The following VPS35L variants were observed in gnomAD, a reference collection of about 807,000 sequenced individuals.
The protein encoded by VPS35L is VPS35 endosomal protein sorting factor like.
In VPS35L, 83 loss-of-function variants were observed where a neutral mutation model predicts 133.0. The observed-to-expected ratio is 0.62, with a 90% CI of 0.52 to 0.75. The LOEUF (loss-of-function observed/expected upper bound fraction) is 0.75. VPS35L is among the 30% of genes least tolerant of loss of function. The pLI is 0.00. For synonymous variants in VPS35L, 423 were observed against 449.9 expected, an observed-to-expected ratio of 0.94 and a Z score of 0.76; for missense variants, 1,083 against 1,206.8, an observed-to-expected ratio of 0.90 and a Z score of 1.52.
In VPS35L at chr16:19,611,979, GC is replaced by G. The variant is rs371847139; in HGVS notation, c.1023+1567del. On this transcript the variant is annotated intron_variant, in intron 12 of 30. Coordinates refer to ENST00000417362, the MANE Select transcript of VPS35L (RefSeq NM_020314.7). Reference sequence around the variant, plus strand: ...TTTTGAGATGGAGTCTCACTCTGTCGCCCGGCTGGAGTGCAGTGGTGTGATC... The same window carrying G: ...TTTTGAGATGGAGTCTCACTCTGTCGCCGGCTGGAGTGCAGTGGTGTGATC... Among the ~76,000 whole-genome samples, 27 of 149,320 alleles carry G rather than the reference GC, an allele frequency of 1.8e-4. No individual in the cohort carries two copies. In the East Asian group the frequency reaches 3.9e-3, roughly 22 times the overall value.
chr16:19,667,628 G>A (rs138254299), intron 26 of VPS35L, among the ~76,000 whole-genome samples: 5 of 151,988 alleles, frequency 3.3e-5, no homozygotes, highest in Non-Finnish European at 7.4e-5. Context: ...CAGTTACTGG[G>A]GAGGCTGAGG....
Position 19,616,538 on chromosome 16 carries a change from TAAA to T in VPS35L, c.1102-138_1102-136del, listed in dbSNP as rs60979764. The T allele has an allele frequency of 5.2e-5, 46 of 884,688 alleles. No individual in the cohort carries two copies. In the African/African-American group the frequency reaches 6.4e-4, roughly 12 times the overall value. 54.8% of individuals were successfully genotyped at this position (884,688 alleles called of 1,614,324 possible). A position where few individuals can be genotyped will look rare whatever the true frequency, so the allele number is the denominator to read the frequency against. Reference sequence around the variant, plus strand: ...AAACTTTCTGTGTTTTTTTTTGGTTTAAAAAAAAAAAACAACCGAGAAACCAGG... The same window carrying T: ...AAACTTTCTGTGTTTTTTTTTGGTTTAAAAAAAAACAACCGAGAAACCAGG... On this transcript the variant is annotated intron_variant, in intron 13 of 30. Coordinates refer to ENST00000417362, the MANE Select transcript of VPS35L (RefSeq NM_020314.7).
intron 26 of VPS35L, among the ~76,000 whole-genome samples, chr16:19,666,232 A>G (rs1036656478): frequency 2.0e-5 from 3 of 151,988 alleles, no homozygotes; most frequent in African/African-American, 7.2e-5. Context: ...CTTGTGGGGT[A>G]TTACTCAAAG....
chr16:19,559,651 A>G (rs1044862823), intron 1 of VPS35L, among the ~76,000 whole-genome samples: 10 of 152,150 alleles, frequency 6.6e-5, no homozygotes, highest in African/African-American at 2.2e-4. Flanking sequence ...TCAAAATATG[A>G]TGGTTTACTG....
intron 28 of VPS35L, 21 bp from the exon 29 acceptor site, chr16:19,691,332 C>G: frequency 6.3e-7 from 1 of 1,595,246 alleles, no homozygotes; most frequent in African/African-American, 1.3e-5. Context: ...GTCTGTCTCA[C>G]TGTTCTTGTT....
intron 18 of VPS35L, 35 bp downstream of exon 18, chr16:19,629,855 T>C: frequency 6.3e-7 from 1 of 1,594,610 alleles, no homozygotes; most frequent in South Asian, 1.1e-5. Context: ...TTGAAAGAAT[T>C]AGATTTTTTC....
chr16:19,610,001 C>T (rs8052979), intron 11 of VPS35L, among the ~76,000 whole-genome samples: 4 of 151,688 alleles, frequency 2.6e-5, no homozygotes, highest in Non-Finnish European at 5.9e-5. Context: ...GGTGCCCAGT[C>T]GATGGAAAAT....
chr16:19,578,359 G>A lies in VPS35L; in HGVS notation c.434-693G>A, dbSNP rs569435919. ...ACCGCACTCCAGCGTGGACGACAGA[G>A]TAAGACCCCATCTCAAAAAAAAAAA... On this transcript the variant is annotated intron_variant, in intron 5 of 30. Coordinates refer to ENST00000417362, the MANE Select transcript of VPS35L (RefSeq NM_020314.7). 6.8e-5 allele frequency: 29 copies of A among 426,650 alleles called. 1 individual carries two copies. The highest frequency in any genetic ancestry group is 4.7e-4 in the South Asian group (28 of 59,926). 26.4% of individuals were successfully genotyped at this position (426,650 alleles called of 1,614,324 possible).
rs1350993478 is a variant in VPS35L at position 19,601,872 on chromosome 16, C to A, written c.784+149C>A. The A allele has an allele frequency of 2.0e-5, 15 of 738,520 alleles. No homozygotes were observed. In the South Asian group the frequency reaches 2.7e-4, roughly 13 times the overall value. 45.7% of individuals were successfully genotyped at this position (738,520 alleles called of 1,614,324 possible). A position where few individuals can be genotyped will look rare whatever the true frequency, so the allele number is the denominator to read the frequency against. ...AAACACCTTTGAAGATTTCTGATCA[C>A]CTCAGTCTTCTAAAAACATTAGAAG... On this transcript the variant is annotated intron_variant, in intron 9 of 30. Coordinates refer to ENST00000417362, the MANE Select transcript of VPS35L (RefSeq NM_020314.7).
chr16:19,608,089 T>C, intron 9 of VPS35L, 89 bp from the exon 10 acceptor site: 1 of 924,698 alleles, frequency 1.1e-6, no homozygotes, highest in Middle Eastern at 2.2e-4. Context: ...CACCCCCTTT[T>C]CTGCTCCAGG....
intron 12 of VPS35L, among the ~76,000 whole-genome samples, chr16:19,613,939 G>C (rs923645910): frequency 6.6e-6 from 1 of 152,188 alleles, no homozygotes; most frequent in East Asian, 1.9e-4. Context: ...GCTGCTCTGG[G>C]TAGAAATCTT....
intron 29 of VPS35L, among the ~76,000 whole-genome samples, chr16:19,697,088 T>TGCCCAGCAGGTGCCAGCCCGC (rs1975939242): frequency 6.6e-6 from 1 of 152,214 alleles, no homozygotes; most frequent in Non-Finnish European, 1.5e-5. Context: ...TGCGAGTCCG[T>TGCCCAGCAGGTGCCAGCCCGC]GCCCAGCAGG....
At chr16:19,576,837 A>G (rs910868795) in intron 5 of VPS35L, among the ~76,000 whole-genome samples, 1 of 150,978 alleles carries the variant, frequency 6.6e-6, no homozygotes, top group African/African-American at 2.4e-5. Flanking sequence ...CTTCTGAGTT[A>G]CTGGGACTAT....
intron 27 of VPS35L, among the ~76,000 whole-genome samples, chr16:19,677,029 T>TAGCA (rs958371564): frequency 6.6e-6 from 1 of 151,810 alleles, no homozygotes; most frequent in African/African-American, 2.4e-5. Context: ...CTGGGCAACA[T>TAGCA]AGCAAGACCT....
chr16:19,628,669 G>A lies in VPS35L; in HGVS notation c.1416G>A (p.Leu472=). ...HLLFRSLGLN[L]ALADPPESDR... ...TTTTTCGATCACTGGGATTAAACTT[G>A]GCCTTGGCTGATCCTCCTGAGAGTG... The change falls in exon 17 of 31, where the codon TTG becomes TTA. Residue 472 remains leucine (L), a synonymous_variant. Transcript: ENST00000417362. 6.2e-7 allele frequency: 1 copy of A among 1,600,652 alleles called. No individual in the cohort carries two copies. The highest frequency in any genetic ancestry group is 1.1e-5 in the South Asian group (1 of 89,646).
chr16:19,663,385 A>G (rs1490220193), intron 26 of VPS35L, among the ~76,000 whole-genome samples: 1 of 152,202 alleles, frequency 6.6e-6, no homozygotes, highest in Non-Finnish European at 1.5e-5. Context: ...CCACCACTCC[A>G]ATATTACACC....
At chr16:19,669,477 C>T (rs541941169) in intron 27 of VPS35L, among the ~76,000 whole-genome samples, 178 bp downstream of exon 27, 1 of 152,094 alleles carries the variant, frequency 6.6e-6, no homozygotes, top group South Asian at 2.1e-4. Context: ...GGGGATCATA[C>T]TATAATAGTA....
At chr16:19,578,622 C>T (rs1971611597) in intron 5 of VPS35L, 1 of 327,436 alleles carries the variant, frequency 3.1e-6, no homozygotes, top group Non-Finnish European at 5.9e-6. Context: ...AGTGTTTCCA[C>T]CCTGGGTAGA....
chr16:19,556,997 T>C (rs1970880574), intron 1 of VPS35L, among the ~76,000 whole-genome samples: 1 of 152,104 alleles, frequency 6.6e-6, no homozygotes, highest in Non-Finnish European at 1.5e-5. Context: ...AAATTAGTGG[T>C]GGCACGCACC....
Sources: allele counts gnomAD v4.1 joint callset (sites outside exome capture counted in the v4.1 genomes callset), GRCh38; gene constraint gnomAD v4.1.1; transcripts MANE v1.5; gene names NCBI Gene and HGNC (gene_info 2026-07-23, HGNC 2026-07-21).